Variants in NKAIN3 observed in about 807,000 individuals in gnomAD.
NKAIN3 encodes the protein sodium/potassium-transporting ATPase subunit beta-1-interacting protein 3.
In NKAIN3, 25 loss-of-function variants were observed where a neutral mutation model predicts 30.2. The ratio of observed to expected loss-of-function variants is 0.83; its 90% CI spans 0.60 to 1.16. The LOEUF (loss-of-function observed/expected upper bound fraction) is 1.16. NKAIN3 is among the 50% of genes most tolerant of loss of function. The probability of loss-of-function intolerance (pLI) is 0.00; values close to 1 mark genes in which losing one functional copy is unlikely to be tolerated. For synonymous variants in NKAIN3, 91 were observed against 89.6 expected, an observed-to-expected ratio of 1.02 and a Z score of -0.09; for missense variants, 225 against 254.1, an observed-to-expected ratio of 0.89 and a Z score of 0.78.
chr8:62,790,161 T>C (rs1817658181), intron 4 of NKAIN3, among the ~76,000 whole-genome samples: 1 of 151,960 alleles, frequency 6.6e-6, no homozygotes, highest in Admixed American at 6.6e-5. Flanking sequence ...GTTCAACATA[T>C]GAAAATCAAT....
At chr8:62,940,337 T>A (rs1413532924) in intron 5 of NKAIN3, among the ~76,000 whole-genome samples, 4 of 152,048 alleles carry the variant, frequency 2.6e-5, no homozygotes, top group Admixed American at 1.3e-4. Flanking sequence ...CAATACTCCA[T>A]GGACAGCACT....
At position 62,983,435 on chromosome 8, in the gene NKAIN3, C is replaced by T. The variant is rs927770892; in HGVS notation, c.*18028C>T. On this transcript the variant is annotated 3_prime_UTR_variant, in exon 7 of 7. Transcript: ENST00000623646. ...TGAAGGAGAGCCCATTTGCAACCCT[C>T]TTCTGTCTCCCTAAGCATTCAACAA... The T allele has an allele frequency of 1.7e-4, 26 of 152,158 alleles. No homozygotes were observed. The highest frequency in any genetic ancestry group is 6.0e-4 in the African/African-American group (25 of 41,412). The allele number at this position is 152,158 out of a possible 1,614,324, so 9.4% of individuals were successfully genotyped here. A position where few individuals can be genotyped will look rare whatever the true frequency, so the allele number is the denominator to read the frequency against.
chr8:62,362,753 C>T (rs1816605831), intron 1 of NKAIN3, among the ~76,000 whole-genome samples: 1 of 152,232 alleles, frequency 6.6e-6, no homozygotes, highest in Admixed American at 6.5e-5. Flanking sequence ...CCCAGAATCA[C>T]AGCAGATTCA....
At chr8:62,874,118 C>T (rs766458406) in intron 4 of NKAIN3, among the ~76,000 whole-genome samples, 2 of 151,844 alleles carry the variant, frequency 1.3e-5, no homozygotes, top group South Asian at 2.1e-4. Flanking sequence ...AGAGAAGAAT[C>T]AAATAGACAC....
chr8:62,555,899 T>C (rs1809371488), intron 1 of NKAIN3, among the ~76,000 whole-genome samples: 1 of 151,990 alleles, frequency 6.6e-6, no homozygotes. Context: ...ATCATGAGAA[T>C]CAAGCACATT....
chr8:62,556,169 T>G (rs1429366551), intron 1 of NKAIN3, among the ~76,000 whole-genome samples: 1 of 151,986 alleles, frequency 6.6e-6, no homozygotes, highest in Non-Finnish European at 1.5e-5. Flanking sequence ...AAAATAATAT[T>G]AATAATGTCA....
chr8:62,606,791 A>C (rs955627315), intron 3 of NKAIN3, among the ~76,000 whole-genome samples: 2 of 152,302 alleles, frequency 1.3e-5, no homozygotes, highest in Non-Finnish European at 2.9e-5. Flanking sequence ...GCATCAAGTC[A>C]TTTTAAGTAT....
chr8:62,910,501 G>T (rs1215473370), intron 4 of NKAIN3, among the ~76,000 whole-genome samples: 1 of 152,074 alleles, frequency 6.6e-6, no homozygotes, highest in Admixed American at 6.5e-5. Flanking sequence ...TTCATTTTTA[G>T]CCTAGAAGAA....
At chr8:62,320,244 T>C (rs1343041934) in intron 1 of NKAIN3, among the ~76,000 whole-genome samples, 1 of 152,110 alleles carries the variant, frequency 6.6e-6, no homozygotes, top group Admixed American at 6.5e-5. Context: ...GTGAGATGGG[T>C]TTCCTGAATA....
intron 5 of NKAIN3, among the ~76,000 whole-genome samples, chr8:62,920,719 A>G (rs1326336668): frequency 6.6e-6 from 1 of 152,182 alleles, no homozygotes; most frequent in Non-Finnish European, 1.5e-5. Flanking sequence ...ATTTGTTATT[A>G]GGGCCATACA....
chr8:62,355,810 A>G (rs1224725425), intron 1 of NKAIN3, among the ~76,000 whole-genome samples: 1 of 152,168 alleles, frequency 6.6e-6, no homozygotes, highest in Non-Finnish European at 1.5e-5. Context: ...TTCCAGGACC[A>G]TCATTTCTAC....
chr8:62,269,468 T>C (rs1812707284), intron 1 of NKAIN3, among the ~76,000 whole-genome samples: 1 of 152,168 alleles, frequency 6.6e-6, no homozygotes, highest in Non-Finnish European at 1.5e-5. Flanking sequence ...CCATTATTTT[T>C]TTTACTCCAC....
At chr8:62,271,399 A>G (rs1159774003) in intron 1 of NKAIN3, among the ~76,000 whole-genome samples, 1 of 152,164 alleles carries the variant, frequency 6.6e-6, no homozygotes, top group African/African-American at 2.4e-5. Context: ...GGAATTGAGA[A>G]CTGTTTGGTG....
In NKAIN3 at chr8:62,545,618, T is replaced by C. The variant is rs115645159; in HGVS notation, c.55-33921T>C. Among the ~76,000 whole-genome samples, 850 of 152,252 alleles carry C rather than the reference T, an allele frequency of 5.6e-3. 7 individuals are homozygous for C. Among genetic ancestry groups the C allele is most frequent in the African/African-American group, 0.019 (810 of 41,552 alleles). On this transcript the variant is annotated intron_variant, in intron 1 of 6. Coordinates refer to ENST00000623646, the MANE Select transcript of NKAIN3 (RefSeq NM_001304533.3). Reference sequence around the variant, plus strand: ...TAAATCAGCACACCTTCTATCTCACTGCATATAAATTGATCTCATTCTTTC... The same window carrying C: ...TAAATCAGCACACCTTCTATCTCACCGCATATAAATTGATCTCATTCTTTC...
chr8:62,465,510 T>C lies in NKAIN3; in HGVS notation c.55-114029T>C, dbSNP rs528485591. Among the ~76,000 whole-genome samples, 27 of 152,336 alleles carry C rather than the reference T, an allele frequency of 1.8e-4. No individual in the cohort carries two copies. In the South Asian group the frequency reaches 4.1e-3, roughly 23 times the overall value. The stretch of plus-strand genomic sequence containing the variant: ...TTCAGACTTTAGCTGTGGCCAGGAC[T>C]GTTTCAATATGTGTTTTGACCTCTA... On this transcript the variant is annotated intron_variant, in intron 1 of 6. Coordinates refer to ENST00000623646, the MANE Select transcript of NKAIN3 (RefSeq NM_001304533.3).
rs139859293 is a variant in NKAIN3, at chr8:62,516,512, A to G, written c.55-63027A>G. ...AACCTTAGTTTGTTTTACTTGTGTC[A>G]CTTTCAAGTAAGTTTTCCAAAGTTC... On this transcript the variant is annotated intron_variant, in intron 1 of 6. Transcript: ENST00000623646. Among the ~76,000 whole-genome samples, 1,443 of 152,110 alleles carry G rather than the reference A, an allele frequency of 9.5e-3. 13 individuals are homozygous for G. Among genetic ancestry groups the G allele is most frequent in the Middle Eastern group, 0.02 (6 of 294 alleles).
At chr8:62,298,321 A>G (rs971515863) in intron 1 of NKAIN3, among the ~76,000 whole-genome samples, 18 of 152,210 alleles carry the variant, frequency 1.2e-4, no homozygotes, top group African/African-American at 3.1e-4. Flanking sequence ...TTAAAGTATC[A>G]TAATAATAAA....
intron 3 of NKAIN3, among the ~76,000 whole-genome samples, chr8:62,605,421 G>C (rs1387141691): frequency 1.3e-5 from 2 of 151,732 alleles, no homozygotes; most frequent in African/African-American, 4.8e-5. Flanking sequence ...TGAAAACCGT[G>C]CCTATATCAT....
At chr8:62,666,805 C>T (rs1813117985) in intron 3 of NKAIN3, among the ~76,000 whole-genome samples, 2 of 151,986 alleles carry the variant, frequency 1.3e-5, no homozygotes. Context: ...AAAATTGTTC[C>T]AGCTCCTTAC....
Sources: gnomAD v4.1 joint callset for allele counts (sites outside exome capture counted in the v4.1 genomes callset) on GRCh38, gnomAD v4.1.1 for gene constraint, MANE v1.5 for transcripts, NCBI Gene and HGNC (gene_info 2026-07-23, HGNC 2026-07-21) for gene names.